Variants in ZNF804B observed in about 807,000 individuals in gnomAD.
ZNF804B encodes zinc finger 804B.
ZNF804B carries 80 observed loss-of-function variants against 101.4 expected under a neutral mutation model. The observed-to-expected ratio is 0.79, with a 90% CI of 0.66 to 0.95. The LOEUF is 0.95. Among genes scored for constraint, ZNF804B ranks in the 40% least tolerant of loss-of-function variants. The probability of loss-of-function intolerance (pLI) is 0.00; values close to 1 mark genes in which losing one functional copy is unlikely to be tolerated. For synonymous variants in ZNF804B, 622 were observed against 558.8 expected, an observed-to-expected ratio of 1.11 and a Z score of -1.59; for missense variants, 1,673 against 1,561.9, an observed-to-expected ratio of 1.07 and a Z score of -1.20.
intron 1 of ZNF804B, among the ~76,000 whole-genome samples, chr7:88,955,210 G>A (rs1270386908): frequency 6.6e-6 from 1 of 151,396 alleles, no homozygotes; most frequent in African/African-American, 2.4e-5. Context: ...TCCATGAGGA[G>A]CCTCATATTT....
intron 1 of ZNF804B, among the ~76,000 whole-genome samples, chr7:89,007,200 G>T (rs1046610615): frequency 3.3e-5 from 5 of 151,838 alleles, no homozygotes; most frequent in Non-Finnish European, 5.9e-5. Flanking sequence ...ATTTCATAAA[G>T]AATCTAGAGG....
chr7:89,285,522 C>CAAAA lies in ZNF804B; in HGVS notation c.250-41799_250-41796dup, dbSNP rs778078214. Among the ~76,000 whole-genome samples, 141 of 22,360 alleles carry CAAAA rather than the reference C, an allele frequency of 6.3e-3. 2 individuals are homozygous for CAAAA. Among genetic ancestry groups the CAAAA allele is most frequent in the African/African-American group, 0.011 (69 of 6,560 alleles). 14.7% of individuals were successfully genotyped at this position (22,360 alleles called of 152,430 possible). A position where few individuals can be genotyped will look rare whatever the true frequency, so the allele number is the denominator to read the frequency against. The stretch of plus-strand genomic sequence containing the variant: ...TGGGCGAGAGAGCGAGACTCTGTCT[C>CAAAA]AAAAAAAAAAAAAAAAAAAAAAAAA... On this transcript the variant is annotated intron_variant, in intron 2 of 3. Transcript: ENST00000333190.
chr7:88,846,246 TG>T (rs201225632), intron 1 of ZNF804B, among the ~76,000 whole-genome samples: 8,330 of 152,306 alleles, frequency 0.055, 338 homozygotes, highest in East Asian at 0.25. Flanking sequence ...ATTTTGCATC[TG>T]TAAAACCACC....
chr7:89,087,038 A>C (rs1400419927), intron 1 of ZNF804B, among the ~76,000 whole-genome samples: 2 of 135,044 alleles, frequency 1.5e-5, no homozygotes, highest in Non-Finnish European at 3.1e-5. Context: ...TAAAATACAT[A>C]ATAACTTTTT....
chr7:89,170,026 T>C (rs1182086436), intron 1 of ZNF804B, among the ~76,000 whole-genome samples: 1 of 152,240 alleles, frequency 6.6e-6, no homozygotes, highest in African/African-American at 2.4e-5. Flanking sequence ...CAACTTTTAA[T>C]ACACTTCAAA....
intron 1 of ZNF804B, among the ~76,000 whole-genome samples, chr7:89,092,341 C>T (rs1186973611): frequency 2.0e-5 from 3 of 150,386 alleles, no homozygotes; most frequent in East Asian, 3.9e-4. Flanking sequence ...CACATTCAGA[C>T]GATAGCATCG....
intron 1 of ZNF804B, among the ~76,000 whole-genome samples, chr7:89,103,068 T>TGTTTTG (rs1562885474): frequency 7.2e-6 from 1 of 138,916 alleles, no homozygotes; most frequent in African/African-American, 2.8e-5. Flanking sequence ...TTTTTTTTTT[T>TGTTTTG]TTTTTTTTTT....
intron 1 of ZNF804B, among the ~76,000 whole-genome samples, chr7:88,765,472 C>A (rs973075496): frequency 2.0e-5 from 3 of 152,060 alleles, no homozygotes; most frequent in African/African-American, 4.8e-5. Flanking sequence ...GCTTGAAATG[C>A]CAGTTGGTTT....
chr7:89,011,822 G>A (rs1788467289), intron 1 of ZNF804B, among the ~76,000 whole-genome samples: 1 of 152,134 alleles, frequency 6.6e-6, no homozygotes, highest in Admixed American at 6.5e-5. Context: ...TAGGTGCACA[G>A]TGCAAGCTGT....
Position 88,900,023 on chromosome 7 carries a change from A to G in ZNF804B, c.108+139939A>G, listed in dbSNP as rs546581718. On this transcript the variant is annotated intron_variant, in intron 1 of 3. Coordinates refer to ENST00000333190, the MANE Select transcript of ZNF804B (RefSeq NM_181646.5). ...TCAAAATTCAAATTTTATGAATAGT[A>G]CAGTGAAACAGTAAACATGTTCTAA... 2.0e-5 allele frequency among the ~76,000 whole-genome samples: 3 copies of G among 152,292 alleles called. No homozygotes were observed. The South Asian group carries it at 6.2e-4, about 32-fold the overall frequency.
chr7:88,929,029 T>C (rs528761925), intron 1 of ZNF804B, among the ~76,000 whole-genome samples: 1 of 152,138 alleles, frequency 6.6e-6, no homozygotes, highest in Non-Finnish European at 1.5e-5. Flanking sequence ...AAGTTTGTCT[T>C]TTGGTTCAAG....
intron 1 of ZNF804B, among the ~76,000 whole-genome samples, chr7:89,090,455 A>G (rs557063530): frequency 2.6e-5 from 4 of 152,218 alleles, no homozygotes; most frequent in South Asian, 2.1e-4. Context: ...AAATAGTACA[A>G]TGTTTGGCAC....
At chr7:89,319,064 G>T (rs779862472) in intron 2 of ZNF804B, among the ~76,000 whole-genome samples, 5 of 152,184 alleles carry the variant, frequency 3.3e-5, no homozygotes, top group Non-Finnish European at 5.9e-5. Flanking sequence ...TGTGGCTTAA[G>T]AATGCCTTTA....
chr7:89,090,870 A>T (rs985097669), intron 1 of ZNF804B, among the ~76,000 whole-genome samples: 2 of 152,130 alleles, frequency 1.3e-5, no homozygotes, highest in Non-Finnish European at 2.9e-5. Context: ...GAAAATATTT[A>T]AAAAGCTATT....
chr7:88,926,564 C>T (rs1037649595), intron 1 of ZNF804B, among the ~76,000 whole-genome samples: 8 of 152,070 alleles, frequency 5.3e-5, no homozygotes, highest in East Asian at 1.9e-4. Flanking sequence ...GCCGAGATCA[C>T]GCCATAGCAC....
At chr7:88,826,038 A>T (rs1207214378) in intron 1 of ZNF804B, among the ~76,000 whole-genome samples, 1 of 152,216 alleles carries the variant, frequency 6.6e-6, no homozygotes, top group African/African-American at 2.4e-5. Context: ...GATTTCTGAT[A>T]ACACAGGTGA....
intron 1 of ZNF804B, among the ~76,000 whole-genome samples, chr7:89,170,160 T>C (rs1791202667): frequency 6.6e-6 from 1 of 152,252 alleles, no homozygotes; most frequent in Non-Finnish European, 1.5e-5. Context: ...TTTTCTTTGA[T>C]AAATTTTGTA....
chr7:89,192,418 T>C (rs1788470634), intron 1 of ZNF804B, among the ~76,000 whole-genome samples: 1 of 151,270 alleles, frequency 6.6e-6, no homozygotes, highest in African/African-American at 2.4e-5. Context: ...CATTCAACAA[T>C]GGAAATGAAG....
rs367968062 is a variant in ZNF804B at position 88,796,642 on chromosome 7, G to A, written c.108+36558G>A. 4.6e-5 allele frequency among the ~76,000 whole-genome samples: 7 copies of A among 152,152 alleles called. No individual in the cohort carries two copies. In the South Asian group the frequency reaches 6.2e-4, roughly 14 times the overall value. The stretch of plus-strand genomic sequence containing the variant: ...TAAATCTCTGTATGAGGCCTTGCCC[G>A]GCAATACCTTCTCACATCCAACTCT... On this transcript the variant is annotated intron_variant, in intron 1 of 3. Coordinates refer to ENST00000333190, the MANE Select transcript of ZNF804B (RefSeq NM_181646.5).
Sources: gnomAD v4.1 joint callset for allele counts (sites outside exome capture counted in the v4.1 genomes callset) on GRCh38, gnomAD v4.1.1 for gene constraint, MANE v1.5 for transcripts, NCBI Gene and HGNC (gene_info 2026-07-23, HGNC 2026-07-21) for gene names.